Variants in CFAP96 observed in about 807,000 individuals in gnomAD.
The protein encoded by CFAP96 is cilia-and flagella-associated protein 96.
the CFAP96 span, chr4:185,415,369 T>C: frequency 1.3e-6 from 2 of 1,534,628 alleles, no homozygotes; most frequent in Non-Finnish European, 8.7e-7. Context: ...AATATATAAG[T>C]GTATTAACAA....
the CFAP96 span, among the ~76,000 whole-genome samples, chr4:185,447,282 C>G: frequency 1.2e-3 from 180 of 151,806 alleles, no homozygotes; most frequent in Non-Finnish European, 2.1e-3. Context: ...GCCGGGTTCA[C>G]GCCATTCTCC....
the CFAP96 span, among the ~76,000 whole-genome samples, chr4:185,428,583 CAA>C: frequency 4.0e-5 from 6 of 148,650 alleles, no homozygotes; most frequent in African/African-American, 4.9e-5. Flanking sequence ...ACAACAACAA[CAA>C]AAAAAAAAGA....
chr4:185,427,958 C>A, the CFAP96 span, among the ~76,000 whole-genome samples: 1 of 136,486 alleles, frequency 7.3e-6, no homozygotes, highest in Non-Finnish European at 1.7e-5. Flanking sequence ...TGGTGGCAGA[C>A]GCCTGTAATC....
the CFAP96 span, among the ~76,000 whole-genome samples, chr4:185,428,643 A>C: frequency 9.2e-5 from 14 of 152,310 alleles, no homozygotes; most frequent in African/African-American, 3.4e-4. Context: ...TTGCATGTTT[A>C]ATATTTCACC....
the CFAP96 span, among the ~76,000 whole-genome samples, chr4:185,434,184 A>G: frequency 6.6e-6 from 1 of 152,198 alleles, no homozygotes; most frequent in Admixed American, 6.5e-5. Flanking sequence ...GCACCACTGC[A>G]CTGCACTGCA....
At chr4:185,443,316 T>TTACATATATATATATA in the CFAP96 span, among the ~76,000 whole-genome samples, 1 of 68,050 alleles carries the variant, frequency 1.5e-5, no homozygotes, top group African/African-American at 4.1e-5. Flanking sequence ...ATATTATTTT[T>TTACATATATATATATA]TATGTATATA....
chr4:185,446,609 C>A, the CFAP96 span, among the ~76,000 whole-genome samples: 1 of 152,012 alleles, frequency 6.6e-6, no homozygotes, highest in Non-Finnish European at 1.5e-5. Flanking sequence ...TCAGGGACTA[C>A]CTAGTACTAA....
chr4:185,408,553 T>C, the CFAP96 span: 1 of 1,049,536 alleles, frequency 9.5e-7, no homozygotes, highest in Non-Finnish European at 1.4e-6. Flanking sequence ...TAGTTCCTTA[T>C]AAAAATGCCT....
the CFAP96 span, chr4:185,444,917 G>C: frequency 2.0e-6 from 3 of 1,504,522 alleles, no homozygotes; most frequent in Non-Finnish European, 2.7e-6. Flanking sequence ...TAATTTTGTA[G>C]AGGCATTTTA....
At chr4:185,427,102 A>T in the CFAP96 span, among the ~76,000 whole-genome samples, 1 of 151,360 alleles carries the variant, frequency 6.6e-6, no homozygotes, top group African/African-American at 2.4e-5. Context: ...AAGTTAAGTG[A>T]TGGGAAAGTT....
chr4:185,439,929 A>G, the CFAP96 span, among the ~76,000 whole-genome samples: 1 of 145,006 alleles, frequency 6.9e-6, no homozygotes, highest in South Asian at 2.1e-4. Flanking sequence ...TATATGATAT[A>G]TATACATATA....
chr4:185,446,648 C>CA, the CFAP96 span, among the ~76,000 whole-genome samples: 2 of 151,970 alleles, frequency 1.3e-5, no homozygotes, highest in Non-Finnish European at 2.9e-5. Context: ...GCAAGATTAG[C>CA]AAAAAATGAT....
At chr4:185,445,924 C>G in the CFAP96 span, among the ~76,000 whole-genome samples, 24 of 152,170 alleles carry the variant, frequency 1.6e-4, no homozygotes, top group African/African-American at 5.8e-4. Flanking sequence ...CCACCATAAC[C>G]TCCACCTCCC....
the CFAP96 span, among the ~76,000 whole-genome samples, chr4:185,414,373 C>A: frequency 6.6e-6 from 1 of 152,122 alleles, no homozygotes; most frequent in Non-Finnish European, 1.5e-5. Context: ...AACAAATACA[C>A]ATATATGTTT....
At chr4:185,446,105 T>C in the CFAP96 span, among the ~76,000 whole-genome samples, 2 of 152,172 alleles carry the variant, frequency 1.3e-5, no homozygotes, top group African/African-American at 4.8e-5. Context: ...CCTCCCAAAG[T>C]GCTGGGATTA....
At chr4:185,447,869 T>A in the CFAP96 span, among the ~76,000 whole-genome samples, 1 of 152,214 alleles carries the variant, frequency 6.6e-6, no homozygotes, top group Non-Finnish European at 1.5e-5. Flanking sequence ...AAATCACTAA[T>A]GTATGAGATG....
At chr4:185,429,126 G>T in the CFAP96 span, among the ~76,000 whole-genome samples, 4 of 152,292 alleles carry the variant, frequency 2.6e-5, no homozygotes, top group African/African-American at 9.6e-5. Flanking sequence ...CACTTCATAC[G>T]GAGAGTCAAG....
At chr4:185,426,424 G>C in the CFAP96 span, 1 of 153,368 alleles carries the variant, frequency 6.5e-6, no homozygotes, top group East Asian at 1.9e-4. Context: ...GACGCCAGGT[G>C]TTGCCCCTTA....
chr4:185,425,824 C>A, the CFAP96 span: 1 of 1,595,928 alleles, frequency 6.3e-7, no homozygotes, highest in Non-Finnish European at 8.5e-7. Context: ...TGCCAAAGTC[C>A]GGGGAAAAAC....
Sources: allele counts gnomAD v4.1 joint callset (sites outside exome capture counted in the v4.1 genomes callset), GRCh38; gene constraint gnomAD v4.1.1; transcripts MANE v1.5; gene names NCBI Gene and HGNC (gene_info 2026-07-23, HGNC 2026-07-21).